ATG2A: variants seen among roughly 807,000 people sequenced by gnomAD.
The protein encoded by ATG2A is autophagy related 2A.
ATG2A carries 103 observed loss-of-function variants against 214.2 expected under a neutral mutation model. That is an observed-to-expected ratio of 0.48 (90% CI 0.41 to 0.57). The LOEUF (loss-of-function observed/expected upper bound fraction) is 0.57, where lower values mean the gene tolerates loss of function less well. ATG2A is among the 20% of genes least tolerant of loss of function. The probability of loss-of-function intolerance (pLI) is 0.00; values close to 1 mark genes in which losing one functional copy is unlikely to be tolerated. For synonymous variants in ATG2A, 1,160 were observed against 1,142.1 expected (o/e 1.02, Z -0.32); for missense variants, 2,312 against 2,613.2 (o/e 0.88, Z 2.51).
chr11:64,898,246 A>AC lies in ATG2A; in HGVS notation c.4773+14dup. Reference sequence around the variant, plus strand: ...TGGGGTCACCCTAGGCTCTGCCCTCACGTAGACCACTCACCTGGTCCACAT... The same window carrying AC: ...TGGGGTCACCCTAGGCTCTGCCCTCACCGTAGACCACTCACCTGGTCCACAT... On this transcript the variant is annotated intron_variant, in intron 33 of 40. Coordinates refer to ENST00000377264, the MANE Select transcript of ATG2A (RefSeq NM_015104.3). The surrounding 1 kb of genome is among the most constrained non-coding windows in gnomAD (Gnocchi z 4.5). 1.9e-6 allele frequency: 3 copies of AC among 1,613,800 alleles called. No individual in the cohort carries two copies. Among genetic ancestry groups the AC allele is most frequent in the Non-Finnish European group, 2.5e-6 (3 of 1,179,826 alleles).
At chr11:64,908,882 C>T in intron 16 of ATG2A, 109 bp downstream of exon 16, 3 of 1,297,524 alleles carry the variant, frequency 2.3e-6, no homozygotes, top group Non-Finnish European at 2.1e-6. Context: ...TCATGCCCAC[C>T]CCAGGTGGTC....
In ATG2A at chr11:64,901,005, T is replaced by C. The variant is rs1944333591; in HGVS notation, c.4207A>G (p.Thr1403Ala). ...TGGGCAGGTGCCCGCAGCAAGTCCGTGCTGCCGATCGGCCGTGAGAAGTAA... is the reference window on the plus strand; with the variant it reads ...TGGGCAGGTGCCCGCAGCAAGTCCGCGCTGCCGATCGGCCGTGAGAAGTAA... ...DGYFSRPIGS[T>A]DLLRAPAHFP... Residue 1403 changes from threonine (T) to alanine (A), a missense_variant, in exon 30 of 41, where the codon ACG (threonine) becomes GCG (alanine). Physicochemically the swap from Thr to Ala is moderately conservative, Grantham distance 58 (BLOSUM62 0). Coordinates refer to ENST00000377264, the MANE Select transcript of ATG2A (RefSeq NM_015104.3). The C allele has an allele frequency of 6.3e-7, 1 of 1,590,552 alleles. No homozygotes were observed. The highest frequency in any genetic ancestry group is 1.1e-5 in the South Asian group (1 of 87,592).
Position 64,911,271 on chromosome 11 carries a change from C to G in ATG2A, c.1233G>C (p.Lys411Asn). 1.2e-6 allele frequency: 2 copies of G among 1,613,494 alleles called. No homozygotes were observed. Among genetic ancestry groups the G allele is most frequent in the Non-Finnish European group, 1.7e-6 (2 of 1,179,984 alleles). Reference sequence around the variant, plus strand: ...TGTCCAGGAGGGGGTTGGGGGCCATCTTGCCTGAGGGGACAGAGGCTTCAG... The same window carrying G: ...TGTCCAGGAGGGGGTTGGGGGCCATGTTGCCTGAGGGGACAGAGGCTTCAG... ...RLSAQAHPAG[K>N]MAPNPLLDTM... The change falls in exon 10 of 41, where the codon AAG (lysine) becomes AAC (asparagine). Residue 411 changes from lysine to asparagine, a missense_variant. Physicochemically the swap from Lys to Asn is moderately conservative, Grantham distance 94. Coordinates refer to ENST00000377264, the MANE Select transcript of ATG2A (RefSeq NM_015104.3).
Position 64,898,418 on chromosome 11 carries a change from C to T in ATG2A, c.4672-56G>A. 6.8e-7 allele frequency: 1 copy of T among 1,468,372 alleles called. No homozygotes were observed. Among genetic ancestry groups the T allele is most frequent in the South Asian group, 1.3e-5 (1 of 78,002 alleles). The allele number at this position is 1,468,372 out of a possible 1,614,324, so 91.0% of individuals were successfully genotyped here. On this transcript the variant is annotated intron_variant, in intron 32 of 40. Transcript: ENST00000377264. The surrounding 1 kb of genome is among the most constrained non-coding windows in gnomAD (Gnocchi z 4.5). Reference sequence around the variant, plus strand: ...GCTGGGCCTCTGGGGCAGCAGCTCACCCAGCTGTTCCCTGACAGCTCACCC... The same window carrying T: ...GCTGGGCCTCTGGGGCAGCAGCTCATCCAGCTGTTCCCTGACAGCTCACCC...
intron 7 of ATG2A, 35 bp from the exon 8 acceptor site, chr11:64,912,284 G>GCCCCGGCCCC: frequency 6.2e-7 from 1 of 1,602,370 alleles, no homozygotes; most frequent in Non-Finnish European, 8.5e-7. Flanking sequence ...GGGCTGGCTG[G>GCCCCGGCCCC]CCCTCCCAGC....
intron 30 of ATG2A, 97 bp downstream of exon 30, chr11:64,900,787 T>C (rs1590628306): frequency 6.9e-7 from 1 of 1,447,718 alleles, no homozygotes; most frequent in Admixed American, 2.6e-5. Context: ...CCACCTGGGG[T>C]GGATGGGGCT....
rs1291337483 is a variant in ATG2A, at chr11:64,906,731, A to C, written c.2917T>G (p.Tyr973Asp). Residue 973 changes from tyrosine (Y) to aspartate (D), a missense_variant, in exon 20 of 41, where the codon TAC (tyrosine) becomes GAC (aspartate). Coordinates refer to ENST00000377264, the MANE Select transcript of ATG2A (RefSeq NM_015104.3). ...EHGTLFSVSQ[Y>D]CGQPGLGYFC... ...TAGCCAAGTCCTGGCTGGCCACAGT[A>C]CTGGGAGACGCTGAAGAGGGTACCG... 6.2e-7 allele frequency: 1 copy of C among 1,613,508 alleles called. No homozygotes were observed. Among genetic ancestry groups the C allele is most frequent in the Non-Finnish European group, 8.5e-7 (1 of 1,180,010 alleles).
In ATG2A at chr11:64,906,405, C is replaced by A; in HGVS notation, c.3112G>T (p.Gly1038Cys). The change falls in exon 21 of 41, where the codon GGC (glycine) becomes TGC (cysteine). Residue 1038 changes from glycine to cysteine, a missense_variant. Gly to Cys is a radical substitution (Grantham distance 159). Transcript: ENST00000377264. ...AACATGTGGGGTCCCCGGCCCTGGC[C>A]CTTGCGGCCCGAGGCTCCCCGCTCG... Reference protein sequence around the residue: ...VTERGASGRKGQGRGPHMLST... With the variant: ...VTERGASGRKCQGRGPHMLST... 1 of 1,613,246 alleles carries A rather than the reference C, an allele frequency of 6.2e-7. No individual in the cohort carries two copies. The highest frequency in any genetic ancestry group is 2.2e-5 in the East Asian group (1 of 44,874).
rs1164079526 is a variant in ATG2A, at chr11:64,914,216, A to G, written c.352T>C (p.Ser118Pro). The change falls in exon 3 of 41, where the codon TCA becomes CCA. Residue 118 changes from serine to proline, a missense_variant. By Grantham distance (74) the Ser-to-Pro change is moderately conservative (BLOSUM62 -1). Transcript: ENST00000377264. Reference sequence around the variant, plus strand: ...GTCATGCATGAGGCCCAGCTCTGTGAGTCGGCAGCCCCTGGCGCTGTAGGG... The same window carrying G: ...GTCATGCATGAGGCCCAGCTCTGTGGGTCGGCAGCCCCTGGCGCTGTAGGG... ...RRGPAPGAAD[S>P]QSWASCMTTS... 2 of 1,553,782 alleles carry G rather than the reference A, an allele frequency of 1.3e-6. No individual in the cohort carries two copies. Among genetic ancestry groups the G allele is most frequent in the Non-Finnish European group, 1.7e-6 (2 of 1,148,552 alleles).
intron 16 of ATG2A, among the ~76,000 whole-genome samples, chr11:64,908,247 GTC>G (rs1156923613): frequency 6.6e-6 from 1 of 152,174 alleles, no homozygotes; most frequent in African/African-American, 2.4e-5. Context: ...GTGAAACCCT[GTC>G]TCTACTAAAA....
intron 1 of ATG2A, among the ~76,000 whole-genome samples, chr11:64,916,732 C>T (rs899870715): frequency 6.6e-6 from 1 of 152,154 alleles, no homozygotes; most frequent in South Asian, 2.1e-4. Flanking sequence ...CTTGCCCTCT[C>T]CAGCCTCAGT....
At chr11:64,909,501 G>C (rs948462221) in intron 14 of ATG2A, 134 bp from the exon 15 acceptor site, 18 of 1,394,712 alleles carry the variant, frequency 1.3e-5, no homozygotes, top group Non-Finnish European at 1.7e-5. Flanking sequence ...CAGAGACAAA[G>C]GGTCCACCCT....
Position 64,903,659 on chromosome 11 carries a change from A to AC in ATG2A, c.3465dup (p.Phe1156ValfsTer5). 1 of 1,549,476 alleles carries AC rather than the reference A, an allele frequency of 6.5e-7. No homozygotes were observed. The highest frequency in any genetic ancestry group is 1.2e-5 in the South Asian group (1 of 84,044). On this transcript the variant is annotated frameshift_variant and splice_region_variant, in exon 25 of 41. Transcript: ENST00000377264. LOFTEE classifies it high-confidence loss of function. The surrounding 1 kb of genome is among the most constrained non-coding windows in gnomAD (Gnocchi z 4.2). ...TACAAGGCGGAGTCATCGAGGATGA[A>AC]CCTGGGGGGGAACAGGGCTGAGAAG...
chr11:64,910,539 G>A lies in ATG2A; in HGVS notation c.1707+77C>T, dbSNP rs919620979. 58 of 1,474,740 alleles carry A rather than the reference G, an allele frequency of 3.9e-5. 3 individuals are homozygous for A. The South Asian group carries it at 4.5e-4, about 11-fold the overall frequency. 91.4% of individuals were successfully genotyped at this position (1,474,740 alleles called of 1,614,324 possible). A position where few individuals can be genotyped will look rare whatever the true frequency, so the allele number is the denominator to read the frequency against. On this transcript the variant is annotated intron_variant, in intron 12 of 40. Coordinates refer to ENST00000377264, the MANE Select transcript of ATG2A (RefSeq NM_015104.3). ...GGAAGAGGGACAGGGCTGGGCAGCA[G>A]AGGAGGCCCTGGCAGAGGCCAGGGT...
intron 1 of ATG2A, among the ~76,000 whole-genome samples, chr11:64,916,268 G>C (rs1944980164): frequency 6.6e-6 from 1 of 152,100 alleles, no homozygotes; most frequent in African/African-American, 2.4e-5. Context: ...CTTTCCTCCA[G>C]GGCCTCCCTC....
chr11:64,896,337 A>C, intron 39 of ATG2A, 125 bp downstream of exon 39: 2 of 1,359,290 alleles, frequency 1.5e-6, no homozygotes, highest in Non-Finnish European at 9.9e-7. Context: ...GTTTCTCTAT[A>C]AAGTAGGGCT....
At chr11:64,916,311 G>A (rs35698062) in intron 1 of ATG2A, among the ~76,000 whole-genome samples, 1 of 152,146 alleles carries the variant, frequency 6.6e-6, no homozygotes, top group African/African-American at 2.4e-5. Flanking sequence ...GGGGTCGGTG[G>A]GAGATGTAGG....
rs1462394977 is a variant in ATG2A at position 64,909,067 on chromosome 11, A to G, written c.2288T>C (p.Val763Ala). The G allele has an allele frequency of 1.2e-6, 2 of 1,613,370 alleles. No homozygotes were observed. Among genetic ancestry groups the G allele is most frequent in the South Asian group, 1.1e-5 (1 of 91,084 alleles). ...TTCCCGCAGCTCACAGGGACTCTCC[A>G]CTGACAGCTCCAGTTCCTCTCCCTT... is the stretch of plus-strand genomic sequence containing the variant. ...PEKGEELELS[V>A]ESPCELREPE... Residue 763 changes from valine to alanine, a missense_variant, in exon 16 of 41, where the codon GTG becomes GCG. Val to Ala is a moderately conservative substitution (Grantham distance 64, BLOSUM62 0). Coordinates refer to ENST00000377264, the MANE Select transcript of ATG2A (RefSeq NM_015104.3).
chr11:64,913,814 C>G lies in ATG2A; in HGVS notation c.590+7G>C, dbSNP rs984098402. 2 of 1,612,222 alleles carry G rather than the reference C, an allele frequency of 1.2e-6. No individual in the cohort carries two copies. Among genetic ancestry groups the G allele is most frequent in the African/African-American group, 1.3e-5 (1 of 74,892 alleles). On this transcript the variant is annotated splice_region_variant and intron_variant, in intron 4 of 40. Coordinates refer to ENST00000377264, the MANE Select transcript of ATG2A (RefSeq NM_015104.3). The surrounding 1 kb of genome is among the most constrained non-coding windows in gnomAD (Gnocchi z 4.3). ...CACCAGTCCACCCCAGATCGGCCTGCCCTTACCTCTGCACACGGACCTCGA... is the reference window on the plus strand; with the variant it reads ...CACCAGTCCACCCCAGATCGGCCTGGCCTTACCTCTGCACACGGACCTCGA...
Sources: gnomAD v4.1 joint callset for allele counts (sites outside exome capture counted in the v4.1 genomes callset) on GRCh38, gnomAD v4.1.1 for gene constraint, Gnocchi (gnomAD v3.1) non-coding constraint, MANE v1.5 for transcripts, NCBI Gene and HGNC (gene_info 2026-07-23, HGNC 2026-07-21) for gene names.